EPHA6: variants seen among roughly 807,000 people sequenced by gnomAD.
The protein encoded by EPHA6 is ephrin type-A receptor 6.
A neutral mutation model predicts 112.0 loss-of-function variants in EPHA6; 50 were observed. The observed-to-expected ratio is 0.45, with a 90% CI of 0.36 to 0.56. The LOEUF (loss-of-function observed/expected upper bound fraction) is 0.56. Ranked by LOEUF, EPHA6 falls within the 20% of genes least tolerant of loss-of-function variation. The pLI, the probability that EPHA6 is intolerant of heterozygous loss-of-function variation, is 0.00. For missense variants in EPHA6, 1,280 were observed against 1,417.4 expected (o/e 0.90, Z 1.56); for synonymous variants, 529 against 490.7 (o/e 1.08, Z -1.03).
chr3:97,178,116 G>A (rs184932385), intron 3 of EPHA6, among the ~76,000 whole-genome samples: 17 of 151,552 alleles, frequency 1.1e-4, no homozygotes, highest in Non-Finnish European at 4.4e-5. Context: ...TTATGTTTTT[G>A]TGTATGAAGT....
intron 13 of EPHA6, among the ~76,000 whole-genome samples, chr3:97,625,763 G>T (rs1451204890): frequency 6.6e-6 from 1 of 151,546 alleles, no homozygotes; most frequent in East Asian, 1.9e-4. Flanking sequence ...TGACAATTTG[G>T]ACTATGTATA....
At chr3:96,990,079 C>T (rs544284874) in intron 3 of EPHA6, among the ~76,000 whole-genome samples, 1 of 152,058 alleles carries the variant, frequency 6.6e-6, no homozygotes, top group South Asian at 2.1e-4. Flanking sequence ...AAAGCCATTA[C>T]TTGGTAAAAA....
chr3:97,340,170 T>C (rs1273510627), intron 5 of EPHA6, among the ~76,000 whole-genome samples: 2 of 152,198 alleles, frequency 1.3e-5, no homozygotes, highest in Non-Finnish European at 2.9e-5. Flanking sequence ...CCGCTAAATA[T>C]TGAGTTTTCC....
intron 14 of EPHA6, among the ~76,000 whole-genome samples, chr3:97,713,779 A>C (rs1011880652): frequency 1.3e-5 from 2 of 152,222 alleles, no homozygotes; most frequent in Non-Finnish European, 2.9e-5. Context: ...AGCAATCCAG[A>C]CACAATCCTT....
At chr3:97,467,991 T>C (rs915932420) in intron 7 of EPHA6, among the ~76,000 whole-genome samples, 2 of 151,782 alleles carry the variant, frequency 1.3e-5, no homozygotes, top group African/African-American at 4.8e-5. Context: ...TTGGCATTTT[T>C]ACCTGACAAG....
chr3:96,983,046 A>C (rs1022285305), intron 2 of EPHA6, among the ~76,000 whole-genome samples: 1 of 152,112 alleles, frequency 6.6e-6, no homozygotes, highest in Non-Finnish European at 1.5e-5. Flanking sequence ...CATTTAGCCC[A>C]TTTACATTTA....
chr3:97,086,911 G>C (rs1439453873), intron 3 of EPHA6, among the ~76,000 whole-genome samples: 1 of 151,984 alleles, frequency 6.6e-6, no homozygotes, highest in Non-Finnish European at 1.5e-5. Flanking sequence ...ATTATTTTGA[G>C]TAATTAAATC....
chr3:97,409,617 G>C (rs906671176), intron 6 of EPHA6, among the ~76,000 whole-genome samples: 9 of 151,956 alleles, frequency 5.9e-5, no homozygotes, highest in Non-Finnish European at 1.5e-5. Flanking sequence ...TGTCAATTTT[G>C]CATCTGCAAA....
intron 3 of EPHA6, among the ~76,000 whole-genome samples, chr3:97,210,450 C>G (rs1003729628): frequency 6.6e-6 from 1 of 152,100 alleles, no homozygotes; most frequent in Non-Finnish European, 1.5e-5. Context: ...CCCACCAGGC[C>G]CCTACCTTGA....
intron 2 of EPHA6, among the ~76,000 whole-genome samples, chr3:96,957,397 T>G (rs1451943150): frequency 4.6e-5 from 7 of 152,254 alleles, no homozygotes; most frequent in Admixed American, 3.9e-4. Flanking sequence ...AAAATGGGAC[T>G]TCTCATATCT....
At chr3:97,174,755 T>C (rs1169653330) in intron 3 of EPHA6, among the ~76,000 whole-genome samples, 2 of 151,944 alleles carry the variant, frequency 1.3e-5, no homozygotes, top group Admixed American at 6.6e-5. Flanking sequence ...ATAGTTTTTT[T>C]CCCATAGAGT....
chr3:97,008,028 C>CT (rs2043949858), intron 3 of EPHA6, among the ~76,000 whole-genome samples: 1 of 152,104 alleles, frequency 6.6e-6, no homozygotes, highest in Non-Finnish European at 1.5e-5. Flanking sequence ...TCCCTGGCTG[C>CT]CCTTAACAGT....
chr3:96,971,912 ATAAT>A lies in EPHA6; in HGVS notation c.451-15411_451-15408del, dbSNP rs1197604461. ...ATTTAAATTTAGTTGATTTGGAGGA[ATAAT>A]TAATTATTGGCATATACTACAAAAC... is the stretch of plus-strand genomic sequence containing the variant. On this transcript the variant is annotated intron_variant, in intron 2 of 17. Coordinates refer to ENST00000389672, the MANE Select transcript of EPHA6 (RefSeq NM_001080448.3). 2.0e-5 allele frequency among the ~76,000 whole-genome samples: 3 copies of A among 152,256 alleles called. No homozygotes were observed. In the South Asian group the frequency reaches 6.2e-4, roughly 32 times the overall value.
chr3:97,104,596 C>T (rs2047508637), intron 3 of EPHA6, among the ~76,000 whole-genome samples: 1 of 151,990 alleles, frequency 6.6e-6, no homozygotes, highest in Non-Finnish European at 1.5e-5. Context: ...GGATATTGGC[C>T]TGAAGCTTTC....
intron 10 of EPHA6, among the ~76,000 whole-genome samples, chr3:97,522,473 C>T (rs1290215722): frequency 4.6e-5 from 7 of 152,090 alleles, no homozygotes; most frequent in Admixed American, 3.9e-4. Context: ...AGTATTTTTT[C>T]ATCTACCTTC....
intron 3 of EPHA6, among the ~76,000 whole-genome samples, chr3:97,102,663 G>A (rs2047438557): frequency 6.6e-6 from 1 of 152,028 alleles, no homozygotes; most frequent in Non-Finnish European, 1.5e-5. Context: ...TGGGTTAAAT[G>A]GTAGTTCTGT....
chr3:96,868,150 G>A (rs1054415453), intron 2 of EPHA6, among the ~76,000 whole-genome samples: 7 of 148,166 alleles, frequency 4.7e-5, no homozygotes, highest in East Asian at 3.9e-4. Context: ...AATACCTTTT[G>A]TGTGTGTGCG....
chr3:97,307,880 G>T (rs780646245), intron 5 of EPHA6, among the ~76,000 whole-genome samples: 2 of 151,640 alleles, frequency 1.3e-5, no homozygotes, highest in Non-Finnish European at 2.9e-5. Context: ...TTCAAACTGA[G>T]ATTTTCAACT....
chr3:97,266,544 T>C (rs1214558638), intron 5 of EPHA6, among the ~76,000 whole-genome samples: 1 of 152,172 alleles, frequency 6.6e-6, no homozygotes, highest in Non-Finnish European at 1.5e-5. Context: ...CCCAGACAAC[T>C]GGTCCCAGGA....
Sources: gnomAD v4.1 joint callset for allele counts (sites outside exome capture counted in the v4.1 genomes callset) on GRCh38, gnomAD v4.1.1 for gene constraint, MANE v1.5 for transcripts, NCBI Gene and HGNC (gene_info 2026-07-23, HGNC 2026-07-21) for gene names.